RASSF8: variants seen among roughly 807,000 people sequenced by gnomAD.
RASSF8 encodes Ras association domain family member 8, also known as ras association domain-containing protein 8.
Under a neutral mutation model 48.5 loss-of-function variants are expected in RASSF8, and 22 were observed. That is an observed-to-expected ratio of 0.45 (90% CI 0.32 to 0.65). The LOEUF (loss-of-function observed/expected upper bound fraction) is 0.65. Among genes scored for constraint, RASSF8 ranks in the 30% least tolerant of loss-of-function variants. The pLI is 0.03. For synonymous variants in RASSF8, 127 were observed against 171.5 expected (o/e 0.74, Z 2.03); for missense variants, 418 against 489.2 (o/e 0.85, Z 1.37).
At chr12:26,067,078 C>T (rs1173785692) in intron 4 of RASSF8, among the ~76,000 whole-genome samples, 1 of 152,144 alleles carries the variant, frequency 6.6e-6, no homozygotes, top group Non-Finnish European at 1.5e-5. Flanking sequence ...ACTCTAAATC[C>T]ATGGAACAAA....
In RASSF8 at chr12:26,067,619, T is replaced by C. The variant is rs1370487724; in HGVS notation, c.1044T>C (p.Asn348=). The change falls in exon 5 of 6, where the codon AAT becomes AAC. Residue 348 remains asparagine (N), a synonymous_variant. Transcript: ENST00000689635. ...TGACTAAGGAGTTGCGGCAAGTCAA[T>C]CTCCAGCAGTTCATCCAGCAGACAG... ...EQLTKELRQV[N]LQQFIQQTGT... The C allele has an allele frequency of 6.2e-7, 1 of 1,613,914 alleles. No homozygotes were observed. The highest frequency in any genetic ancestry group is 1.7e-5 in the Admixed American group (1 of 60,000).
At chr12:26,077,568 G>A (rs1453195105), downstream of RASSF8, among the ~76,000 whole-genome samples, 1 of 152,132 alleles carries the variant, frequency 6.6e-6, no homozygotes, top group Non-Finnish European at 1.5e-5. Flanking sequence ...AGATCAGATG[G>A]TTGTAGATGT....
chr12:25,963,267 T>C (rs1396350247), intron 1 of RASSF8, among the ~76,000 whole-genome samples: 2 of 142,570 alleles, frequency 1.4e-5, no homozygotes, highest in African/African-American at 5.3e-5. Flanking sequence ...GGGAGCCACC[T>C]AGAAGTCTGG....
chr12:25,980,646 T>C (rs1592228032), intron 1 of RASSF8, among the ~76,000 whole-genome samples: 1 of 151,748 alleles, frequency 6.6e-6, no homozygotes, highest in African/African-American at 2.4e-5. Context: ...CTGGTGGGAG[T>C]GGGGTGGGGG....
chr12:26,051,590 TAA>T (rs1221475873), intron 2 of RASSF8, among the ~76,000 whole-genome samples: 1 of 152,190 alleles, frequency 6.6e-6, no homozygotes, highest in Non-Finnish European at 1.5e-5. Context: ...AATTCAGAAA[TAA>T]GTGCTATTCT....
At chr12:25,975,634 C>G (rs1941587501) in intron 1 of RASSF8, among the ~76,000 whole-genome samples, 1 of 152,160 alleles carries the variant, frequency 6.6e-6, no homozygotes, top group Admixed American at 6.5e-5. Flanking sequence ...AAGAAATGGC[C>G]TCTGCCTTTT....
intron 2 of RASSF8, among the ~76,000 whole-genome samples, chr12:26,024,212 G>T (rs910698960): frequency 6.6e-6 from 1 of 151,978 alleles, no homozygotes; most frequent in African/African-American, 2.4e-5. Flanking sequence ...TGTTGCCCAG[G>T]CTGGTCTTGA....
In RASSF8 at chr12:26,065,613, G is replaced by A. The variant is rs142989992; in HGVS notation, c.993+226G>A. Among the ~76,000 whole-genome samples, 559 of 152,262 alleles carry A rather than the reference G, an allele frequency of 3.7e-3. 2 individuals carry two copies. The highest frequency in any genetic ancestry group is 0.012 in the African/African-American group (515 of 41,534). ...CTTGTCTTACTGTGACAGTTGTAGC[G>A]TTAGATAATGGGATGGAATGGACAC... On this transcript the variant is annotated intron_variant, in intron 4 of 5. Coordinates refer to ENST00000689635, the MANE Select transcript of RASSF8 (RefSeq NM_001394098.1).
intron 2 of RASSF8, among the ~76,000 whole-genome samples, chr12:26,025,447 C>T (rs1942886911): frequency 6.6e-6 from 1 of 151,698 alleles, no homozygotes; most frequent in Non-Finnish European, 1.5e-5. Context: ...TTCCCAGGTA[C>T]TCGGGACGGC....
intron 1 of RASSF8, among the ~76,000 whole-genome samples, chr12:25,987,276 A>T (rs537202048): frequency 3.2e-4 from 48 of 152,306 alleles, no homozygotes; most frequent in Non-Finnish European, 5.4e-4. Context: ...CTAGGCAGTG[A>T]GTGTTCATGA....
intron 2 of RASSF8, among the ~76,000 whole-genome samples, chr12:26,034,008 T>C (rs575799733): frequency 6.6e-6 from 1 of 152,026 alleles, no homozygotes; most frequent in African/African-American, 2.4e-5. Context: ...CCCACCACCA[T>C]CATGTCGACC....
chr12:26,018,860 T>C (rs1473638142), intron 2 of RASSF8, among the ~76,000 whole-genome samples: 1 of 152,230 alleles, frequency 6.6e-6, no homozygotes, highest in East Asian at 1.9e-4. Context: ...AGTTGATGCA[T>C]CCAAACTTGC....
intron 2 of RASSF8, among the ~76,000 whole-genome samples, chr12:26,052,053 A>C (rs537407203): frequency 6.6e-6 from 1 of 152,324 alleles, no homozygotes; most frequent in Non-Finnish European, 1.5e-5. Context: ...GAGCTGAAAC[A>C]CAAAGGCAAT....
Position 26,071,100 on chromosome 12 carries a change from T to A in RASSF8, c.*2282T>A, listed in dbSNP as rs7961722. 776,181 of 971,318 alleles carry A rather than the reference T, an allele frequency of 0.8. 310,545 individuals are homozygous for A. Among genetic ancestry groups the A allele is most frequent in the African/African-American group, 0.91 (51,735 of 56,942 alleles). 60.2% of individuals were successfully genotyped at this position (971,318 alleles called of 1,614,324 possible). ...ACGAAAGTATAGAAATGTGAATATG[T>A]TGAATACATTGAGAAGCTGTACTTT... On this transcript the variant is annotated 3_prime_UTR_variant, in exon 6 of 6. Coordinates refer to ENST00000689635, the MANE Select transcript of RASSF8 (RefSeq NM_001394098.1).
At chr12:26,006,540 C>T (rs769586952) in intron 2 of RASSF8, among the ~76,000 whole-genome samples, 5 of 152,180 alleles carry the variant, frequency 3.3e-5, no homozygotes, top group Admixed American at 6.5e-5. Context: ...TCGCTCTAGA[C>T]GTGGACTACA....
intron 2 of RASSF8, among the ~76,000 whole-genome samples, chr12:26,013,214 C>G (rs1942571118): frequency 6.6e-6 from 1 of 152,180 alleles, no homozygotes; most frequent in Admixed American, 6.5e-5. Context: ...GCCTTGCCAG[C>G]TCTTTCTCAT....
chr12:26,039,176 A>G (rs1007362610), intron 2 of RASSF8, among the ~76,000 whole-genome samples: 15 of 152,196 alleles, frequency 9.9e-5, no homozygotes. Context: ...GTGAATTCTT[A>G]AGGTAACTTT....
rs113772935 is a variant in RASSF8, at chr12:26,055,980, G to A, written c.103+534G>A. 2.7e-3 allele frequency among the ~76,000 whole-genome samples: 415 copies of A among 152,320 alleles called. 3 individuals carry two copies. The highest frequency in any genetic ancestry group is 9.4e-3 in the African/African-American group (389 of 41,576). The stretch of plus-strand genomic sequence containing the variant: ...GCAGGCAGATCACTTGAGGTCAGGA[G>A]TTCGAGACCAGCCTGGCAAACATGG... On this transcript the variant is annotated intron_variant, in intron 3 of 5. Coordinates refer to ENST00000689635, the MANE Select transcript of RASSF8 (RefSeq NM_001394098.1).
At chr12:26,064,423 A>C in intron 3 of RASSF8, 75 bp from the exon 4 acceptor site, 1 of 1,365,892 alleles carries the variant, frequency 7.3e-7, no homozygotes, top group Non-Finnish European at 9.9e-7. Flanking sequence ...CACAATCATC[A>C]AATGGCATTC....
Sources: gnomAD v4.1 joint callset for allele counts (sites outside exome capture counted in the v4.1 genomes callset) on GRCh38, gnomAD v4.1.1 for gene constraint, MANE v1.5 for transcripts, NCBI Gene and HGNC (gene_info 2026-07-23, HGNC 2026-07-21) for gene names.